The following ICA1L variants were observed in gnomAD, a reference collection of about 807,000 sequenced individuals.
ICA1L encodes islet cell autoantigen 1-like protein.
A neutral mutation model predicts 61.3 loss-of-function variants in ICA1L; 50 were observed. The ratio of observed to expected loss-of-function variants is 0.82; its 90% CI spans 0.65 to 1.03. The LOEUF is 1.03. Ranked by LOEUF, ICA1L falls within the 50% of genes least tolerant of loss-of-function variation. The pLI, the probability that ICA1L is intolerant of heterozygous loss-of-function variation, is 0.00. For missense variants in ICA1L, 508 were observed against 556.7 expected (o/e 0.91, Z 0.88); for synonymous variants, 161 against 191.3 (o/e 0.84, Z 1.31).
intron 5 of ICA1L, chr2:202,819,468 A>G: frequency 2.0e-6 from 1 of 495,076 alleles, no homozygotes; most frequent in Admixed American, 3.5e-5. Context: ...TAGATCTATC[A>G]TGAGACAGAT....
At chr2:202,779,778 A>T in intron 12 of ICA1L, 130 bp from the exon 13 acceptor site, 1 of 602,358 alleles carries the variant, frequency 1.7e-6, no homozygotes, top group Non-Finnish European at 2.9e-6. Context: ...ACAATAATCT[A>T]TCAACTATAG....
chr2:202,833,844 C>G (rs1020611124), intron 1 of ICA1L, among the ~76,000 whole-genome samples: 1 of 152,040 alleles, frequency 6.6e-6, no homozygotes, highest in African/African-American at 2.4e-5. Context: ...CACATGATCT[C>G]AATTACATGT....
At chr2:202,802,139 T>C (rs990756804) in intron 9 of ICA1L, among the ~76,000 whole-genome samples, 4 of 152,048 alleles carry the variant, frequency 2.6e-5, no homozygotes, top group Non-Finnish European at 5.9e-5. Flanking sequence ...AAACAACAAA[T>C]AGAACTTTTA....
intron 1 of ICA1L, among the ~76,000 whole-genome samples, chr2:202,848,974 C>T (rs755669526): frequency 7.9e-5 from 12 of 152,038 alleles, no homozygotes; most frequent in Non-Finnish European, 1.5e-4. Context: ...GCAGTGGGTA[C>T]AGCCCACGGA....
chr2:202,841,677 A>G, intron 1 of ICA1L: 6 of 556,074 alleles, frequency 1.1e-5, no homozygotes, highest in South Asian at 5.9e-5. Flanking sequence ...GAGCTGATGC[A>G]GGCACCGGGC....
At chr2:202,850,350 G>A (rs948688549) in intron 1 of ICA1L, among the ~76,000 whole-genome samples, 4 of 152,140 alleles carry the variant, frequency 2.6e-5, no homozygotes, top group African/African-American at 9.7e-5. Context: ...TAAGCTAAAG[G>A]AGCATGTTCT....
intron 1 of ICA1L, among the ~76,000 whole-genome samples, chr2:202,834,460 C>T (rs1293244197): frequency 6.6e-6 from 1 of 152,070 alleles, no homozygotes; most frequent in East Asian, 1.9e-4. Flanking sequence ...AAGATCCTTT[C>T]TCTACAAAAA....
intron 4 of ICA1L, 122 bp from the exon 5 acceptor site, chr2:202,820,021 AG>A: frequency 1.4e-6 from 1 of 728,130 alleles, no homozygotes; most frequent in Non-Finnish European, 2.3e-6. Flanking sequence ...AAAATTATTC[AG>A]TTCCTAAGGA....
chr2:202,810,832 G>A (rs1693355780), intron 9 of ICA1L, among the ~76,000 whole-genome samples: 1 of 152,116 alleles, frequency 6.6e-6, no homozygotes. Flanking sequence ...GTCTTTTATG[G>A]TCATAGCTGT....
rs148494037 is a variant in ICA1L at position 202,848,317 on chromosome 2, C to T, written c.-7-19301G>A. ...CTATGTGAAAGTGCCAACATTAGGC[C>T]ATTTTTTACCTATAAAAACAGCAAT... On this transcript the variant is annotated intron_variant, in intron 1 of 12. Transcript: ENST00000358299. Among the ~76,000 whole-genome samples, 23 of 152,242 alleles carry T rather than the reference C, an allele frequency of 1.5e-4. 1 individual carries two copies. The highest frequency in any genetic ancestry group is 5.5e-4 in the African/African-American group (23 of 41,538).
At position 202,817,431 on chromosome 2, in the gene ICA1L, A is replaced by T; in HGVS notation, c.671T>A (p.Leu224His). 6.2e-7 allele frequency: 1 copy of T among 1,601,000 alleles called. No individual in the cohort carries two copies. The highest frequency in any genetic ancestry group is 8.5e-7 in the Non-Finnish European group (1 of 1,172,678). Residue 224 changes from leucine to histidine, a missense_variant, in exon 6 of 13, where the codon CTC (leucine) becomes CAC (histidine). Transcript: ENST00000358299. ...ASRCNMLSHSLTTYQRTLLGF... is the reference protein window; with the variant it reads ...ASRCNMLSHSHTTYQRTLLGF... Reference sequence around the variant, plus strand: ...GGAGGTGGGTACCTGGTAGGTAGTGAGCGAATGAGATAGCATATTGCAGCG... The same window carrying T: ...GGAGGTGGGTACCTGGTAGGTAGTGTGCGAATGAGATAGCATATTGCAGCG...
intron 9 of ICA1L, among the ~76,000 whole-genome samples, chr2:202,799,373 G>A (rs1693028223): frequency 6.6e-6 from 1 of 152,100 alleles, no homozygotes; most frequent in Non-Finnish European, 1.5e-5. Flanking sequence ...GATGATTAGT[G>A]ATGTTTAGCA....
At chr2:202,818,817 T>G (rs1384182825) in intron 5 of ICA1L, among the ~76,000 whole-genome samples, 1 of 152,228 alleles carries the variant, frequency 6.6e-6, no homozygotes, top group Non-Finnish European at 1.5e-5. Context: ...TTCCCAGTCT[T>G]GGGTATGTCT....
chr2:202,853,554 C>A (rs1330822050), intron 1 of ICA1L, among the ~76,000 whole-genome samples: 1 of 151,880 alleles, frequency 6.6e-6, no homozygotes, highest in Non-Finnish European at 1.5e-5. Context: ...AAGAAACTAC[C>A]ATCAGAGTGA....
At chr2:202,825,844 C>A in intron 2 of ICA1L, 77 bp from the exon 3 acceptor site, 1 of 781,552 alleles carries the variant, frequency 1.3e-6, no homozygotes, top group Non-Finnish European at 1.9e-6. Context: ...AAAAGCATAA[C>A]ATTTTCTTCT....
chr2:202,852,148 T>C (rs1203930746), intron 1 of ICA1L, among the ~76,000 whole-genome samples: 1 of 152,196 alleles, frequency 6.6e-6, no homozygotes, highest in Non-Finnish European at 1.5e-5. Context: ...AGGTCTAACA[T>C]TTCAGTCTTT....
intron 6 of ICA1L, 126 bp from the exon 7 acceptor site, chr2:202,816,135 A>ATTT (rs1409745021): frequency 1.8e-6 from 1 of 569,420 alleles, no homozygotes; most frequent in African/African-American, 2.0e-5. Context: ...ACTAAATTCA[A>ATTT]TTTTCCAAGT....
rs1006314433 is a variant in ICA1L, at chr2:202,849,491, CCT to C, written c.-7-20477_-7-20476del. Among the ~76,000 whole-genome samples, 3 of 152,158 alleles carry C rather than the reference CCT, an allele frequency of 2.0e-5. No homozygotes were observed. Among genetic ancestry groups the C allele is most frequent in the Admixed American group, 6.5e-5 (1 of 15,274 alleles). On this transcript the variant is annotated intron_variant, in intron 1 of 12. Coordinates refer to ENST00000358299, the MANE Select transcript of ICA1L (RefSeq NM_001288622.3). This position sits in a 1 kb window ranked among gnomAD's most constrained non-coding sequence, Gnocchi z 4.5. Reference sequence around the variant, plus strand: ...CTGAGGCTTGAGTAGGCAGTTTTCCCCTGACAGTGCTAAGGAGGCCAGGCAGT... The same window carrying C: ...CTGAGGCTTGAGTAGGCAGTTTTCCCGACAGTGCTAAGGAGGCCAGGCAGT...
At chr2:202,822,334 T>A (rs1305137647) in intron 3 of ICA1L, among the ~76,000 whole-genome samples, 2 of 152,138 alleles carry the variant, frequency 1.3e-5, no homozygotes, top group African/African-American at 2.4e-5. Flanking sequence ...GCTAATTTTT[T>A]AAAAATTATT....
Sources: allele counts gnomAD v4.1 joint callset (sites outside exome capture counted in the v4.1 genomes callset), GRCh38; gene constraint gnomAD v4.1.1; non-coding constraint Gnocchi (gnomAD v3.1); transcripts MANE v1.5; gene names NCBI Gene and HGNC (gene_info 2026-07-23, HGNC 2026-07-21).